LSM14A: variants seen among roughly 807,000 people sequenced by gnomAD.
LSM14A encodes the protein LSM14A mRNA processing body assembly factor.
LSM14A carries 14 observed loss-of-function variants against 52.4 expected under a neutral mutation model. The ratio of observed to expected loss-of-function variants is 0.27; its 90% CI spans 0.18 to 0.42. The LOEUF (loss-of-function observed/expected upper bound fraction) is 0.42, where lower values mean the gene tolerates loss of function less well. LSM14A is among the 10% of genes least tolerant of loss of function. The probability of loss-of-function intolerance (pLI) is 1.00; values close to 1 mark genes in which losing one functional copy is unlikely to be tolerated. For missense variants in LSM14A, 417 were observed against 581.8 expected (o/e 0.72, Z 2.91); for synonymous variants, 185 against 200.3 (o/e 0.92, Z 0.64).
intron 1 of LSM14A, among the ~76,000 whole-genome samples, chr19:34,173,406 G>A (rs973397278): frequency 6.6e-6 from 1 of 152,126 alleles, no homozygotes; most frequent in Non-Finnish European, 1.5e-5. Context: ...AAAAATGCTT[G>A]CTGCTGCCCC....
chr19:34,209,756 C>T (rs1169857065), intron 4 of LSM14A, among the ~76,000 whole-genome samples: 1 of 151,818 alleles, frequency 6.6e-6, no homozygotes, highest in African/African-American at 2.4e-5. Flanking sequence ...AGGCTGGTCT[C>T]GAACTCCTGG....
At chr19:34,177,287 TTTGA>T (rs1456103926) in intron 1 of LSM14A, among the ~76,000 whole-genome samples, 2 of 152,316 alleles carry the variant, frequency 1.3e-5, no homozygotes, top group South Asian at 2.1e-4. Flanking sequence ...ATAGAGATAC[TTTGA>T]TTATCTTTAA....
chr19:34,200,509 T>C (rs1449912923), intron 3 of LSM14A, among the ~76,000 whole-genome samples: 1 of 152,100 alleles, frequency 6.6e-6, no homozygotes, highest in Non-Finnish European at 1.5e-5. Context: ...AAGGGCCAAA[T>C]TGATTTTAGC....
At chr19:34,194,726 A>G in intron 2 of LSM14A, 85 bp downstream of exon 2, 2 of 1,226,804 alleles carry the variant, frequency 1.6e-6, no homozygotes, top group South Asian at 1.3e-5. Flanking sequence ...TTGAATGTTC[A>G]TGTAGCTTAT....
chr19:34,219,462 C>T lies in LSM14A; in HGVS notation c.853C>T (p.Arg285Trp). The change falls in exon 7 of 10, where the codon CGG becomes TGG. Residue 285 changes from arginine to tryptophan, a missense_variant. By Grantham distance (101) the Arg-to-Trp change is moderately radical. This residue lies in a region of LSM14A where 357 missense variants were observed against 457.0 expected (regional missense o/e 0.78). Coordinates refer to ENST00000544216, the MANE Select transcript of LSM14A (RefSeq NM_015578.4). ...HRGGRGRFGIRRDGPMKFEKD... is the reference protein window; with the variant it reads ...HRGGRGRFGIWRDGPMKFEKD... Reference sequence around the variant, plus strand: ...GGGTGGCAGGGGAAGATTTGGTATTCGGCGAGATGGGCCAATGAAATTTGA... The same window carrying T: ...GGGTGGCAGGGGAAGATTTGGTATTTGGCGAGATGGGCCAATGAAATTTGA... 1 of 1,613,842 alleles carries T rather than the reference C, an allele frequency of 6.2e-7. No individual in the cohort carries two copies. Among genetic ancestry groups the T allele is most frequent in the Non-Finnish European group, 8.5e-7 (1 of 1,179,926 alleles).
chr19:34,206,639 C>T (rs2071722307), intron 3 of LSM14A, among the ~76,000 whole-genome samples: 1 of 152,122 alleles, frequency 6.6e-6, no homozygotes, highest in African/African-American at 2.4e-5. Flanking sequence ...CGCGCCACTG[C>T]ACTCCAGCCT....
chr19:34,198,820 A>G (rs566906277), intron 3 of LSM14A, among the ~76,000 whole-genome samples: 3 of 152,146 alleles, frequency 2.0e-5, no homozygotes, highest in African/African-American at 7.2e-5. Context: ...CTCCGTCTCT[A>G]CTAAAAATAC....
intron 1 of LSM14A, among the ~76,000 whole-genome samples, chr19:34,193,390 G>A (rs529486418): frequency 3.9e-5 from 6 of 151,954 alleles, no homozygotes; most frequent in Non-Finnish European, 7.4e-5. Flanking sequence ...CAAACTCCTG[G>A]GCTCAAGCAG....
chr19:34,197,522 T>C (rs1414990576), intron 3 of LSM14A, among the ~76,000 whole-genome samples: 1 of 123,028 alleles, frequency 8.1e-6, no homozygotes, highest in East Asian at 2.7e-4. Flanking sequence ...CACTGCAACC[T>C]CCACCTCCCA....
chr19:34,197,887 G>A (rs546655648), intron 3 of LSM14A, among the ~76,000 whole-genome samples: 7 of 152,266 alleles, frequency 4.6e-5, no homozygotes, highest in South Asian at 4.1e-4. Flanking sequence ...AGGGCTGGGC[G>A]AATGACAGGC....
In LSM14A at chr19:34,176,754, A is replaced by T. The variant is rs544621697; in HGVS notation, c.121+3991A>T. Among the ~76,000 whole-genome samples, 11 of 152,334 alleles carry T rather than the reference A, an allele frequency of 7.2e-5. No individual in the cohort carries two copies. The East Asian group carries it at 1.9e-3, about 27-fold the overall frequency. ...TTTATGAACATTTCTGTTTAAGTGC[A>T]CTGGTGCATGTTTATTTCGTTTTCT... On this transcript the variant is annotated intron_variant, in intron 1 of 9. Coordinates refer to ENST00000544216, the MANE Select transcript of LSM14A (RefSeq NM_015578.4).
At chr19:34,213,952 TG>T (rs2072360565) in intron 4 of LSM14A, among the ~76,000 whole-genome samples, 1 of 147,870 alleles carries the variant, frequency 6.8e-6, no homozygotes, top group Admixed American at 6.7e-5. Flanking sequence ...GGCTAATTTT[TG>T]TATTTTTTTT....
At chr19:34,221,340 C>G (rs975923118) in intron 8 of LSM14A, 167 bp from the exon 9 acceptor site, 3 of 761,462 alleles carry the variant, frequency 3.9e-6, no homozygotes, top group Non-Finnish European at 4.1e-6. Flanking sequence ...CCTCGGCCTC[C>G]CAAAGTGCTG....
At chr19:34,177,657 G>T (rs1198806266) in intron 1 of LSM14A, among the ~76,000 whole-genome samples, 2 of 152,144 alleles carry the variant, frequency 1.3e-5, no homozygotes, top group Admixed American at 1.3e-4. Flanking sequence ...AAAGGTCAAG[G>T]CCGGGGTATT....
At chr19:34,183,393 A>C (rs1599663592) in intron 1 of LSM14A, among the ~76,000 whole-genome samples, 2 of 152,266 alleles carry the variant, frequency 1.3e-5, no homozygotes, top group African/African-American at 4.8e-5. Context: ...TCTACTAAAA[A>C]TACAAAAATT....
intron 9 of LSM14A, chr19:34,226,393 T>C: frequency 6.7e-7 from 1 of 1,493,606 alleles, no homozygotes; most frequent in Non-Finnish European, 8.8e-7. Flanking sequence ...TTTTTTTTTT[T>C]TTTTTACCTT....
At chr19:34,218,405 T>G (rs1302245839) in intron 6 of LSM14A, among the ~76,000 whole-genome samples, 1 of 152,224 alleles carries the variant, frequency 6.6e-6, no homozygotes, top group East Asian at 1.9e-4. Context: ...ATCCTACTTA[T>G]CTAGATTTAT....
rs150809735 is a variant in LSM14A, at chr19:34,179,005, A to G, written c.121+6242A>G. On this transcript the variant is annotated intron_variant, in intron 1 of 9. Transcript: ENST00000544216. ...TCCAGTTGTGTTTGCACCTACGTCT[A>G]TAAGTGAGTAGGATGCCTAAATAGG... 4.4e-3 allele frequency among the ~76,000 whole-genome samples: 670 copies of G among 152,324 alleles called. 4 individuals carry two copies. Among genetic ancestry groups the G allele is most frequent in the Non-Finnish European group, 7.5e-3 (513 of 68,016 alleles).
At chr19:34,208,785 T>G (rs1249318710) in intron 3 of LSM14A, 144 bp from the exon 4 acceptor site, 10 of 637,508 alleles carry the variant, frequency 1.6e-5, no homozygotes, top group Non-Finnish European at 2.3e-5. Flanking sequence ...CAGTACACTT[T>G]AATTTCCAAG....
Sources: gnomAD v4.1 joint callset for allele counts (sites outside exome capture counted in the v4.1 genomes callset) on GRCh38, gnomAD v4.1.1 for gene constraint, gnomAD v4.1.1 regional missense constraint, MANE v1.5 for transcripts, NCBI Gene and HGNC (gene_info 2026-07-23, HGNC 2026-07-21) for gene names.